CACNA1C: variants seen among roughly 807,000 people sequenced by gnomAD.
CACNA1C encodes voltage-dependent L-type calcium channel subunit alpha-1C.
A neutral mutation model predicts 229.0 loss-of-function variants in CACNA1C; 30 were observed. The ratio of observed to expected loss-of-function variants is 0.13; its 90% CI spans 0.10 to 0.18. The LOEUF (loss-of-function observed/expected upper bound fraction) is 0.18. Among genes scored for constraint, CACNA1C ranks in the 10% least tolerant of loss-of-function variants. The pLI, the probability that CACNA1C is intolerant of heterozygous loss-of-function variation, is 1.00. For missense variants in CACNA1C, 1,658 were observed against 2,845.0 expected (o/e 0.58, Z 9.49); for synonymous variants, 1,114 against 1,132.5 (o/e 0.98, Z 0.33).
chr12:2,594,598 G>T (rs556635346), intron 19 of CACNA1C, among the ~76,000 whole-genome samples: 2 of 152,044 alleles, frequency 1.3e-5, no homozygotes, highest in African/African-American at 4.8e-5. Flanking sequence ...TTGTGATTTA[G>T]TCCTTTATTT....
rs1008280932 is a variant in CACNA1C at position 2,152,529 on chromosome 12, G to A, written c.477+32099G>A. 1.3e-5 allele frequency among the ~76,000 whole-genome samples: 2 copies of A among 152,188 alleles called. No homozygotes were observed. The highest frequency in any genetic ancestry group is 2.4e-5 in the African/African-American group (1 of 41,434). On this transcript the variant is annotated intron_variant, in intron 3 of 46. Transcript: ENST00000399655. This position sits in a 1 kb window ranked among gnomAD's most constrained non-coding sequence, Gnocchi z 4.2. Reference sequence around the variant, plus strand: ...GTGCTGGAGCAACCATTCAGAAGGCGGTGATGGCTGGGGGAGGGCTTCCAT... The same window carrying A: ...GTGCTGGAGCAACCATTCAGAAGGCAGTGATGGCTGGGGGAGGGCTTCCAT...
At chr12:2,269,011 C>G (rs1018136216) in intron 3 of CACNA1C, among the ~76,000 whole-genome samples, 8 of 152,174 alleles carry the variant, frequency 5.3e-5, no homozygotes, top group Admixed American at 2.0e-4. Context: ...CTTGCCGGCT[C>G]TCTGCCCACT....
At chr12:1,995,663 C>T (rs1350011982) in intron 1 of CACNA1C, among the ~76,000 whole-genome samples, 5 of 152,252 alleles carry the variant, frequency 3.3e-5, no homozygotes, top group Non-Finnish European at 7.3e-5. Flanking sequence ...ACACAGACCT[C>T]CATCATGCCC....
chr12:2,261,127 A>G (rs916703980), intron 3 of CACNA1C, among the ~76,000 whole-genome samples: 1 of 151,976 alleles, frequency 6.6e-6, no homozygotes, highest in South Asian at 2.1e-4. Flanking sequence ...AGCTACTCGG[A>G]AGGCTGAGGC....
intron 11 of CACNA1C, among the ~76,000 whole-genome samples, chr12:2,558,929 G>C (rs756210041): frequency 2.6e-5 from 4 of 152,154 alleles, no homozygotes; most frequent in African/African-American, 9.6e-5. Context: ...CAGAGCAAGA[G>C]CTCCAGAAAT....
chr12:2,368,004 C>T (rs1830189376), intron 3 of CACNA1C, among the ~76,000 whole-genome samples: 1 of 152,116 alleles, frequency 6.6e-6, no homozygotes, highest in Admixed American at 6.5e-5. Context: ...ATTGGATTCA[C>T]AGTTAGGTAA....
intron 3 of CACNA1C, among the ~76,000 whole-genome samples, chr12:2,394,378 T>A (rs2098537482): frequency 6.6e-6 from 1 of 152,196 alleles, no homozygotes; most frequent in Admixed American, 6.5e-5. Flanking sequence ...AATAAAAATT[T>A]CTCCATTTCT....
At chr12:2,168,272 A>T (rs1315304634) in intron 3 of CACNA1C, among the ~76,000 whole-genome samples, 3 of 152,242 alleles carry the variant, frequency 2.0e-5, no homozygotes, top group Non-Finnish European at 4.4e-5. Context: ...GGGCATCTGT[A>T]TGAAGGATGA....
rs541531721 is a variant in CACNA1C, at chr12:2,473,374, A to G, written c.758-12730A>G. 2.3e-4 allele frequency among the ~76,000 whole-genome samples: 35 copies of G among 152,192 alleles called. No individual in the cohort carries two copies. The South Asian group carries it at 6.6e-3, about 29-fold the overall frequency. ...TTCCAACCTGATTTCTGCCTTCTCAATTCCATGGGGCTGCAGTGTTGTGCT... is the reference window on the plus strand; with the variant it reads ...TTCCAACCTGATTTCTGCCTTCTCAGTTCCATGGGGCTGCAGTGTTGTGCT... On this transcript the variant is annotated intron_variant, in intron 5 of 46. Transcript: ENST00000399655.
rs1247422405 is a variant in CACNA1C at position 2,654,788 on chromosome 12, G to C, written c.4141-359G>C. ...AAATGCAAGAACTAAATTTGAAAGA[G>C]TGCTTGGACATGCAGAACTGAAATA... On this transcript the variant is annotated intron_variant, in intron 33 of 46. Transcript: ENST00000399655. The surrounding 1 kb of genome is among the most constrained non-coding windows in gnomAD (Gnocchi z 4.4). Among the ~76,000 whole-genome samples, 5 of 152,226 alleles carry C rather than the reference G, an allele frequency of 3.3e-5. No homozygotes were observed. The highest frequency in any genetic ancestry group is 3.3e-4 in the Admixed American group (5 of 15,282).
chr12:2,177,616 C>A (rs1313806147), intron 3 of CACNA1C, among the ~76,000 whole-genome samples: 3,110 of 111,746 alleles, frequency 0.028, 181 homozygotes, highest in African/African-American at 0.098. Context: ...TTCCTTCCTT[C>A]CTTCCTTCCT....
intron 1 of CACNA1C, among the ~76,000 whole-genome samples, chr12:2,047,107 TG>T (rs1240580076): frequency 6.6e-6 from 1 of 152,222 alleles, no homozygotes; most frequent in African/African-American, 2.4e-5. Context: ...GCACGGCCTC[TG>T]GGTTTGTGTA....
intron 3 of CACNA1C, among the ~76,000 whole-genome samples, chr12:2,258,262 A>G (rs2078735783): frequency 6.6e-6 from 1 of 152,242 alleles, no homozygotes; most frequent in African/African-American, 2.4e-5. Flanking sequence ...TGAGATAATG[A>G]GAGTTATGTA....
Position 2,532,274 on chromosome 12 carries a change from G to GCTCTTGC in CACNA1C, c.1391-17657_1391-17651dup, listed in dbSNP as rs544392360. 4.4e-4 allele frequency among the ~76,000 whole-genome samples: 67 copies of GCTCTTGC among 152,276 alleles called. 2 individuals are homozygous for GCTCTTGC. The South Asian group carries it at 0.012, about 27-fold the overall frequency. On this transcript the variant is annotated intron_variant, in intron 9 of 46. Coordinates refer to ENST00000399655, the MANE Select transcript of CACNA1C (RefSeq NM_000719.7). ...AGGAGCCAGCACTGAGCAGAGAGGA[G>GCTCTTGC]CTCTTGCCTCTTGCCTCTGGCCCAG...
At chr12:2,652,116 C>G (rs779902088) in intron 32 of CACNA1C, among the ~76,000 whole-genome samples, 2 of 152,216 alleles carry the variant, frequency 1.3e-5, no homozygotes, top group Admixed American at 6.5e-5. Flanking sequence ...CTGAAAAACA[C>G]GGGCCTGGAC....
chr12:2,657,431 T>C (rs2095478994), intron 34 of CACNA1C, among the ~76,000 whole-genome samples: 1 of 152,058 alleles, frequency 6.6e-6, no homozygotes, highest in Non-Finnish European at 1.5e-5. Context: ...AAGGGAAAAG[T>C]GTGTATACAT....
intron 1 of CACNA1C, among the ~76,000 whole-genome samples, chr12:1,996,411 G>A (rs1015971438): frequency 5.3e-4 from 81 of 151,554 alleles, no homozygotes; most frequent in Middle Eastern, 3.2e-3. Flanking sequence ...CAGGTTCTCC[G>A]CCCCTGCTTT....
intron 1 of CACNA1C, among the ~76,000 whole-genome samples, chr12:2,055,179 A>G (rs2054192784): frequency 6.6e-6 from 1 of 152,198 alleles, no homozygotes. Flanking sequence ...TGTTGACCCC[A>G]TCCCTCACCT....
rs1591717194 is a variant in CACNA1C, at chr12:2,286,751, C to T, written c.478-162225C>T. On this transcript the variant is annotated intron_variant, in intron 3 of 46. Coordinates refer to ENST00000399655, the MANE Select transcript of CACNA1C (RefSeq NM_000719.7). Reference sequence around the variant, plus strand: ...GGCTCAGGCTGTCATGAGCAGCCCTCCTCTGGAGAGTGGGAAATGTGCGTT... The same window carrying T: ...GGCTCAGGCTGTCATGAGCAGCCCTTCTCTGGAGAGTGGGAAATGTGCGTT... 2.0e-5 allele frequency among the ~76,000 whole-genome samples: 3 copies of T among 152,250 alleles called. No homozygotes were observed. The South Asian group carries it at 6.2e-4, about 32-fold the overall frequency.
Sources: gnomAD v4.1 joint callset for allele counts (sites outside exome capture counted in the v4.1 genomes callset) on GRCh38, gnomAD v4.1.1 for gene constraint, Gnocchi (gnomAD v3.1) non-coding constraint, MANE v1.5 for transcripts, NCBI Gene and HGNC (gene_info 2026-07-23, HGNC 2026-07-21) for gene names.